RAD18: variants seen among roughly 807,000 people sequenced by gnomAD.
RAD18 encodes RAD18 E3 ubiquitin protein ligase, also known as E3 ubiquitin-protein ligase RAD18.
RAD18 carries 47 observed loss-of-function variants against 60.4 expected under a neutral mutation model. The observed-to-expected ratio is 0.78, with a 90% confidence interval of 0.62 to 0.99. The LOEUF (loss-of-function observed/expected upper bound fraction) is 0.99, where lower values mean the gene tolerates loss of function less well. RAD18 is among the 50% of genes least tolerant of loss of function. The probability of loss-of-function intolerance (pLI) is 0.00; values close to 1 mark genes in which losing one functional copy is unlikely to be tolerated. For synonymous variants in RAD18, 225 were observed against 195.5 expected (o/e 1.15, Z -1.26); for missense variants, 640 against 593.3 (o/e 1.08, Z -0.82).
rs547144701 is a variant in RAD18, at chr3:8,959,742, TATTCC to T, written c.52-746_52-742del. On this transcript the variant is annotated intron_variant, in intron 1 of 12. Coordinates refer to ENST00000264926, the MANE Select transcript of RAD18 (RefSeq NM_020165.4). ...TTTCAAATTGTTTAAAATAAAATAT[TATTCC>T]ATTCAACAGAAATATTTTTTAAAAG... Among the ~76,000 whole-genome samples, 17 of 152,198 alleles carry T rather than the reference TATTCC, an allele frequency of 1.1e-4. No homozygotes were observed. The South Asian group carries it at 3.3e-3, about 30-fold the overall frequency.
intron 8 of RAD18, chr3:8,912,617 CAAAAT>C: frequency 3.8e-6 from 1 of 264,742 alleles, no homozygotes. Flanking sequence ...TATATATTAA[CAAAAT>C]AATAAATTTT....
At position 8,935,882 on chromosome 3, in the gene RAD18, T is replaced by C; in HGVS notation, c.878A>G (p.His293Arg). 1 of 1,585,310 alleles carries C rather than the reference T, an allele frequency of 6.3e-7. No individual in the cohort carries two copies. The highest frequency in any genetic ancestry group is 8.5e-7 in the Non-Finnish European group (1 of 1,169,726). The change falls in exon 7 of 13, where the codon CAT becomes CGT. Residue 293 changes from histidine to arginine, a missense_variant. Physicochemically the swap from His to Arg is conservative, Grantham distance 29 (BLOSUM62 0). Coordinates refer to ENST00000264926, the MANE Select transcript of RAD18 (RefSeq NM_020165.4). Reference sequence around the variant, plus strand: ...TTTTATTACTTTACCTGATTTAGGATGCAAAGCATCGCATTGGGCATTGTA... The same window carrying C: ...TTTTATTACTTTACCTGATTTAGGACGCAAAGCATCGCATTGGGCATTGTA... ...HMYNAQCDAL[H>R]PKSAAEIVRE...
intron 2 of RAD18, among the ~76,000 whole-genome samples, chr3:8,949,672 A>AG (rs1340539202): frequency 1.8e-3 from 269 of 149,796 alleles, no homozygotes; most frequent in Non-Finnish European, 2.7e-3. Context: ...CTGGAGAGAG[A>AG]GAGGGGGGTA....
In RAD18 at chr3:8,941,722, A is replaced by G; in HGVS notation, c.349T>C (p.Tyr117His). 1.2e-6 allele frequency: 2 copies of G among 1,614,186 alleles called. No individual in the cohort carries two copies. Among genetic ancestry groups the G allele is most frequent in the Admixed American group, 3.3e-5 (2 of 60,030 alleles). The change falls in exon 5 of 13, where the codon TAT (tyrosine) becomes CAT (histidine). Residue 117 changes from tyrosine to histidine, a missense_variant. Transcript: ENST00000264926. ...SSSKNLAVKV[Y>H]TPVASRQSLK... ...GACTGTCTGGAGGCTACAGGAGTATATACTTTGACAGCAAGATTCTTTGAA... is the reference window on the plus strand; with the variant it reads ...GACTGTCTGGAGGCTACAGGAGTATGTACTTTGACAGCAAGATTCTTTGAA...
At chr3:8,916,607 G>A (rs1254110290) in intron 7 of RAD18, among the ~76,000 whole-genome samples, 1 of 152,062 alleles carries the variant, frequency 6.6e-6, no homozygotes, top group Non-Finnish European at 1.5e-5. Context: ...CAACATACAT[G>A]AACAGATGGG....
chr3:8,905,653 G>A (rs531301966), intron 9 of RAD18, among the ~76,000 whole-genome samples: 27 of 152,112 alleles, frequency 1.8e-4, no homozygotes, highest in Non-Finnish European at 3.8e-4. Context: ...TTCACTACAG[G>A]CTTATTCATC....
In RAD18 at chr3:8,947,089, A is replaced by G. The variant is rs1431605714; in HGVS notation, c.266+131T>C. ...GTAAATTTTCCATGTGTGAATAATG[A>G]CTGTTACTTCCCTTCTTTGACTATA... On this transcript the variant is annotated intron_variant, in intron 4 of 12. Transcript: ENST00000264926. 6 of 694,254 alleles carry G rather than the reference A, an allele frequency of 8.6e-6. No homozygotes were observed. The East Asian group carries it at 1.6e-4, about 18-fold the overall frequency. 43.0% of individuals were successfully genotyped at this position (694,254 alleles called of 1,614,324 possible). A position where few individuals can be genotyped will look rare whatever the true frequency, so the allele number is the denominator to read the frequency against.
intron 8 of RAD18, 122 bp downstream of exon 8, chr3:8,913,522 T>C: frequency 4.6e-6 from 3 of 658,328 alleles, no homozygotes; most frequent in Non-Finnish European, 7.1e-6. Context: ...AAGTAAATCA[T>C]AATACACTAA....
chr3:8,945,468 C>CTTTTTTTTTTT (rs375744764), intron 4 of RAD18, among the ~76,000 whole-genome samples: 2 of 96,414 alleles, frequency 2.1e-5, no homozygotes, highest in African/African-American at 3.8e-5. Context: ...TTTCCATCTT[C>CTTTTTTTTTTT]TTTTTTTTTT....
chr3:8,910,196 T>C (rs549628539), intron 9 of RAD18, among the ~76,000 whole-genome samples: 16 of 152,322 alleles, frequency 1.1e-4, no homozygotes, highest in Admixed American at 3.9e-4. Flanking sequence ...TAATGAGTTA[T>C]AATCAATGTG....
chr3:8,959,091 A>G (rs1429342861), intron 1 of RAD18, 90 bp from the exon 2 acceptor site: 14 of 974,160 alleles, frequency 1.4e-5, no homozygotes, highest in Non-Finnish European at 2.3e-5. Context: ...CCTAAAAAAA[A>G]AATCAAACTC....
intron 7 of RAD18, among the ~76,000 whole-genome samples, chr3:8,922,783 G>A (rs913924354): frequency 3.3e-5 from 5 of 152,168 alleles, no homozygotes; most frequent in Admixed American, 2.0e-4. Flanking sequence ...TGCAGCCTCC[G>A]CTGGTGATAC....
chr3:8,897,573 T>C (rs1036336497), intron 11 of RAD18, among the ~76,000 whole-genome samples: 1 of 152,176 alleles, frequency 6.6e-6, no homozygotes, highest in African/African-American at 2.4e-5. Flanking sequence ...CTAAAGGAAT[T>C]TGGTCTTGAC....
intron 7 of RAD18, among the ~76,000 whole-genome samples, chr3:8,934,320 T>C (rs1940614250): frequency 6.6e-6 from 1 of 151,956 alleles, no homozygotes; most frequent in African/African-American, 2.4e-5. Flanking sequence ...ATTAAGAGAG[T>C]GAAAAGGTGA....
At chr3:8,958,648 TAAA>T (rs1941048701) in intron 2 of RAD18, among the ~76,000 whole-genome samples, 1 of 152,074 alleles carries the variant, frequency 6.6e-6, no homozygotes, top group African/African-American at 2.4e-5. Context: ...ACTTGGCAAA[TAAA>T]GAACCACTTA....
chr3:8,954,119 C>T (rs185515849), intron 2 of RAD18, among the ~76,000 whole-genome samples: 12 of 152,304 alleles, frequency 7.9e-5, no homozygotes, highest in Middle Eastern at 6.8e-3. Context: ...TTCTGAAATG[C>T]TAGTCTTTAG....
chr3:8,894,335 A>T (rs1939748648), intron 11 of RAD18, among the ~76,000 whole-genome samples: 1 of 152,236 alleles, frequency 6.6e-6, no homozygotes, highest in Admixed American at 6.5e-5. Context: ...ATAACTTACT[A>T]ATATATGCAA....
chr3:8,900,797 A>C (rs954697062), intron 10 of RAD18, among the ~76,000 whole-genome samples: 1 of 152,122 alleles, frequency 6.6e-6, no homozygotes, highest in Non-Finnish European at 1.5e-5. Context: ...TCTCTCACAT[A>C]CCTTACCCTC....
chr3:8,909,805 A>G (rs10428202), intron 9 of RAD18, among the ~76,000 whole-genome samples: 14,834 of 152,198 alleles, frequency 0.097, 2,353 homozygotes, highest in African/African-American at 0.33. Context: ...CTTGGGCCAC[A>G]CATAAAATAC....
Sources: allele counts gnomAD v4.1 joint callset (sites outside exome capture counted in the v4.1 genomes callset), GRCh38; gene constraint gnomAD v4.1.1; transcripts MANE v1.5; gene names NCBI Gene and HGNC (gene_info 2026-07-23, HGNC 2026-07-21).